The following LRRC4C variants were observed in gnomAD, a reference collection of about 807,000 sequenced individuals.
LRRC4C encodes the protein leucine-rich repeat-containing protein 4C.
Under a neutral mutation model 33.6 loss-of-function variants are expected in LRRC4C, and 5 were observed. That is an observed-to-expected ratio of 0.15 (90% CI 0.08 to 0.31). LRRC4C has a LOEUF of 0.31. Ranked by LOEUF, LRRC4C falls within the 10% of genes least tolerant of loss-of-function variation. The probability of loss-of-function intolerance (pLI) is 1.00; values close to 1 mark genes in which losing one functional copy is unlikely to be tolerated. For synonymous variants in LRRC4C, 329 were observed against 302.0 expected (o/e 1.09, Z -0.93); for missense variants, 560 against 796.7 (o/e 0.70, Z 3.58).
intron 2 of LRRC4C, among the ~76,000 whole-genome samples, chr11:40,732,334 G>A (rs941629780): frequency 1.3e-5 from 2 of 152,090 alleles, no homozygotes; most frequent in African/African-American, 2.4e-5. Flanking sequence ...AAATATTGGC[G>A]TCCAAAATGC....
chr11:40,324,067 G>C (rs2136880629), intron 3 of LRRC4C, among the ~76,000 whole-genome samples: 1 of 152,336 alleles, frequency 6.6e-6, no homozygotes, highest in African/African-American at 2.4e-5. Context: ...AAGTATGTGT[G>C]TGTGAGTTTA....
At chr11:40,456,290 A>G (rs1293379286) in intron 3 of LRRC4C, among the ~76,000 whole-genome samples, 3 of 152,196 alleles carry the variant, frequency 2.0e-5, no homozygotes, top group African/African-American at 7.2e-5. Context: ...TGTATATTGT[A>G]GCAATTTATT....
At chr11:40,847,333 T>C (rs1953232475) in intron 2 of LRRC4C, among the ~76,000 whole-genome samples, 1 of 152,184 alleles carries the variant, frequency 6.6e-6, no homozygotes, top group African/African-American at 2.4e-5. Context: ...AATACCTAGT[T>C]TATTGAATGT....
chr11:40,345,358 C>A (rs574600787), intron 3 of LRRC4C, among the ~76,000 whole-genome samples: 7 of 152,006 alleles, frequency 4.6e-5, no homozygotes, highest in Non-Finnish European at 7.4e-5. Flanking sequence ...GTTACATAGA[C>A]CAATAGAATG....
intron 1 of LRRC4C, among the ~76,000 whole-genome samples, chr11:41,358,728 C>T (rs1952247495): frequency 6.6e-6 from 1 of 152,124 alleles, no homozygotes; most frequent in Non-Finnish European, 1.5e-5. Context: ...ACACTGACAA[C>T]ATCAAATGCT....
At chr11:41,405,448 C>T (rs1954196235) in intron 1 of LRRC4C, among the ~76,000 whole-genome samples, 1 of 152,080 alleles carries the variant, frequency 6.6e-6, no homozygotes, top group Non-Finnish European at 1.5e-5. Context: ...TTCAATCTCT[C>T]CAGGTTACTA....
At chr11:40,880,863 G>GTATATA (rs61004501) in intron 2 of LRRC4C, among the ~76,000 whole-genome samples, 1,826 of 145,384 alleles carry the variant, frequency 0.013, 21 homozygotes, top group South Asian at 0.049. Context: ...ATGTGTGTGT[G>GTATATA]TATATATATA....
intron 1 of LRRC4C, among the ~76,000 whole-genome samples, chr11:41,167,656 T>A (rs1319771042): frequency 6.6e-6 from 1 of 152,146 alleles, no homozygotes; most frequent in Non-Finnish European, 1.5e-5. Flanking sequence ...GTGATTATAC[T>A]GATACTTTGG....
chr11:40,821,005 AG>A (rs1951907201), intron 2 of LRRC4C, among the ~76,000 whole-genome samples: 1 of 151,824 alleles, frequency 6.6e-6, no homozygotes, highest in Admixed American at 6.6e-5. Flanking sequence ...ATTTCTACAT[AG>A]TAGCAACAGA....
In LRRC4C at chr11:40,915,051, T is replaced by C. The variant is rs886924766; in HGVS notation, c.-407+18584A>G. ...CTACTCAAAGAAATAAAAGAGGATA[T>C]AAACAAATGGAAGAACATTCCATGC... is the stretch of plus-strand genomic sequence containing the variant. On this transcript the variant is annotated intron_variant, in intron 2 of 6. Coordinates refer to ENST00000528697, the MANE Select transcript of LRRC4C (RefSeq NM_001258419.2). Among the ~76,000 whole-genome samples the C allele has an allele frequency of 4.6e-5, 7 of 152,050 alleles. No individual in the cohort carries two copies. In the East Asian group the frequency reaches 5.8e-4, roughly 13 times the overall value.
chr11:40,953,822 C>T lies in LRRC4C; in HGVS notation c.-495-20099G>A, dbSNP rs148565521. ...AAGCTGCAGTCAAGTTTCAGCCTAC[C>T]ATAGCATATAGTTTTAATAATTTAA... On this transcript the variant is annotated intron_variant, in intron 1 of 6. Transcript: ENST00000528697. 3.3e-5 allele frequency among the ~76,000 whole-genome samples: 5 copies of T among 151,988 alleles called. No homozygotes were observed. In the East Asian group the frequency reaches 9.7e-4, roughly 30 times the overall value.
rs148779721 is a variant in LRRC4C at position 40,790,486 on chromosome 11, C to T, written c.-406-142208G>A. ...CACTTAACTAAAGAGCTAATTTCTT[C>T]CTGCTGTGTCCGCACCACGGTGGCA... On this transcript the variant is annotated intron_variant, in intron 2 of 6. Transcript: ENST00000528697. Among the ~76,000 whole-genome samples the T allele has an allele frequency of 4.7e-3, 717 of 152,286 alleles. 1 individual carries two copies. The highest frequency in any genetic ancestry group is 6.7e-3 in the Non-Finnish European group (456 of 68,028).
chr11:40,897,971 C>A (rs1956026807), intron 2 of LRRC4C, among the ~76,000 whole-genome samples: 1 of 152,074 alleles, frequency 6.6e-6, no homozygotes, highest in Non-Finnish European at 1.5e-5. Context: ...TGCAGTTTTA[C>A]CTTTATCATT....
chr11:40,467,378 G>T (rs1210988579), intron 3 of LRRC4C, among the ~76,000 whole-genome samples: 1 of 152,000 alleles, frequency 6.6e-6, no homozygotes, highest in Non-Finnish European at 1.5e-5. Context: ...ATTACTAAGG[G>T]TGTATTGAAA....
intron 3 of LRRC4C, among the ~76,000 whole-genome samples, chr11:40,549,122 G>T (rs1037903643): frequency 6.6e-6 from 1 of 152,110 alleles, no homozygotes; most frequent in Non-Finnish European, 1.5e-5. Context: ...GAAGTATATT[G>T]CATGTACATT....
chr11:40,147,508 T>G (rs573678333), intron 5 of LRRC4C, among the ~76,000 whole-genome samples: 2 of 152,030 alleles, frequency 1.3e-5, no homozygotes, highest in Non-Finnish European at 2.9e-5. Flanking sequence ...TTCTTCTGCA[T>G]TTTTTTCTCA....
chr11:41,088,180 A>T (rs1447992901), intron 1 of LRRC4C, among the ~76,000 whole-genome samples: 1 of 152,096 alleles, frequency 6.6e-6, no homozygotes, highest in Non-Finnish European at 1.5e-5. Context: ...AATAATCAGA[A>T]ATTGAGTCCC....
chr11:40,948,782 G>C (rs1382180574), intron 1 of LRRC4C, among the ~76,000 whole-genome samples: 107 of 150,388 alleles, frequency 7.1e-4, no homozygotes, highest in African/African-American at 2.2e-3. Flanking sequence ...GGACATTTGG[G>C]TTGGTTCCAA....
chr11:41,183,451 G>A (rs987211396), intron 1 of LRRC4C, among the ~76,000 whole-genome samples: 1 of 152,114 alleles, frequency 6.6e-6, no homozygotes, highest in African/African-American at 2.4e-5. Flanking sequence ...AGGCCCCAGG[G>A]AAGTCTGAAA....
Sources: gnomAD v4.1 joint callset for allele counts (sites outside exome capture counted in the v4.1 genomes callset) on GRCh38, gnomAD v4.1.1 for gene constraint, MANE v1.5 for transcripts, NCBI Gene and HGNC (gene_info 2026-07-23, HGNC 2026-07-21) for gene names.